ING3: variants seen among roughly 807,000 people sequenced by gnomAD.
ING3 encodes the protein inhibitor of growth protein 3.
A neutral mutation model predicts 64.8 loss-of-function variants in ING3; 6 were observed. That is an observed-to-expected ratio of 0.09 (90% CI 0.05 to 0.18). The LOEUF is 0.18. ING3 is among the 10% of genes least tolerant of loss of function. The probability of loss-of-function intolerance (pLI) is 1.00; values close to 1 mark genes in which losing one functional copy is unlikely to be tolerated. For synonymous variants in ING3, 170 were observed against 173.7 expected, an observed-to-expected ratio of 0.98 and a Z score of 0.17; for missense variants, 310 against 489.7, an observed-to-expected ratio of 0.63 and a Z score of 3.46.
rs1296978155 is a variant in ING3, at chr7:120,964,754, T to C, written c.280T>C (p.Leu94=). 6.2e-7 allele frequency: 1 copy of C among 1,613,614 alleles called. No homozygotes were observed. Among genetic ancestry groups the C allele is most frequent in the Non-Finnish European group, 8.5e-7 (1 of 1,179,624 alleles). Residue 94 remains leucine (L), a synonymous_variant, in exon 5 of 12, where the codon TTG becomes CTG. Transcript: ENST00000315870. ...TTCTTTGAAACAGGTAGATCGACAC[T>C]TGAGAAAGCTGGATCAGGAACTGGC... ...NQIYDLVDRH[L]RKLDQELAKF... is the part of the protein sequence containing the mutation.
At chr7:120,965,308 AG>A in intron 5 of ING3, among the ~76,000 whole-genome samples, 1 of 152,294 alleles carries the variant, frequency 6.6e-6, no homozygotes, top group East Asian at 1.9e-4. Context: ...TTCTTAAAGA[AG>A]TGTTTTCTTC....
At chr7:120,955,670 C>T (rs1795835552) in intron 4 of ING3, 46 bp downstream of exon 4, 1 of 1,213,920 alleles carries the variant, frequency 8.2e-7, no homozygotes. Flanking sequence ...ACTTGAATAA[C>T]AGATTATATC....
chr7:120,961,202 A>G (rs1161582234), intron 4 of ING3, among the ~76,000 whole-genome samples: 1 of 152,226 alleles, frequency 6.6e-6, no homozygotes, highest in Admixed American at 6.5e-5. Context: ...TTGTTTCAGC[A>G]TAACAATAGG....
intron 4 of ING3, among the ~76,000 whole-genome samples, chr7:120,958,050 C>G (rs1184681159): frequency 6.6e-6 from 1 of 152,166 alleles, no homozygotes; most frequent in Non-Finnish European, 1.5e-5. Flanking sequence ...TTTCTATTTT[C>G]CTGAAGCCAC....
intron 4 of ING3, among the ~76,000 whole-genome samples, chr7:120,960,590 C>A (rs1721344160): frequency 6.6e-6 from 1 of 152,002 alleles, no homozygotes; most frequent in Admixed American, 6.5e-5. Context: ...TACTTTTAAA[C>A]CAGTAGTAAA....
Position 120,951,225 on chromosome 7 carries a change from G to T in ING3, c.90G>T (p.Leu30=). Residue 30 remains leucine, a synonymous_variant, in exon 2 of 12, where the codon CTG becomes CTT. Transcript: ENST00000315870. ...TCACGGAAATGCGCGAGATGGACCTGCAGGTGCAGAGTAAGTCGGCGCGTC... is the reference window on the plus strand; with the variant it reads ...TCACGGAAATGCGCGAGATGGACCTTCAGGTGCAGAGTAAGTCGGCGCGTC... ...DRFTEMREMD[L]QVQNAMDQLE... is the part of the protein sequence containing the mutation. 1 of 1,614,178 alleles carries T rather than the reference G, an allele frequency of 6.2e-7. No individual in the cohort carries two copies. Among genetic ancestry groups the T allele is most frequent in the Non-Finnish European group, 8.5e-7 (1 of 1,180,028 alleles).
intron 2 of ING3, among the ~76,000 whole-genome samples, chr7:120,952,031 T>C (rs924142958): frequency 3.3e-5 from 5 of 152,180 alleles, no homozygotes; most frequent in Admixed American, 6.5e-5. Flanking sequence ...CTATACCCTT[T>C]GCTTATGAGT....
intron 1 of ING3, 50 bp from the exon 2 acceptor site, chr7:120,951,114 G>T (rs1459049127): frequency 1.9e-6 from 3 of 1,594,426 alleles, no homozygotes; most frequent in Non-Finnish European, 2.6e-6. Context: ...TGACGTAAGC[G>T]CGTATTTCGC....
chr7:120,969,253 C>T, intron 9 of ING3, 49 bp downstream of exon 9: 1 of 1,422,234 alleles, frequency 7.0e-7, no homozygotes, highest in Non-Finnish European at 9.7e-7. Context: ...AACACTTGGT[C>T]TACTTGACAC....
At chr7:120,973,000 A>G (rs1379057368) in intron 10 of ING3, among the ~76,000 whole-genome samples, 4 of 152,164 alleles carry the variant, frequency 2.6e-5, no homozygotes, top group African/African-American at 9.6e-5. Flanking sequence ...AAGGGCAGAT[A>G]ATTCCTGTGC....
chr7:120,970,593 A>C, intron 9 of ING3, 95 bp from the exon 10 acceptor site: 2 of 1,246,968 alleles, frequency 1.6e-6, no homozygotes, highest in African/African-American at 1.5e-5. Flanking sequence ...TAATTTATAC[A>C]TTTGATGTCA....
chr7:120,973,318 C>A, intron 11 of ING3, 75 bp downstream of exon 11: 2 of 1,000,026 alleles, frequency 2.0e-6, no homozygotes, highest in Non-Finnish European at 3.1e-6. Context: ...GTCTTATTTG[C>A]TGTATGGTTT....
intron 4 of ING3, chr7:120,956,375 T>C (rs916958516): frequency 1.6e-5 from 21 of 1,336,798 alleles, no homozygotes; most frequent in African/African-American, 1.2e-4. Flanking sequence ...TTCATACTTA[T>C]GTTGTCTTTC....
intron 2 of ING3, among the ~76,000 whole-genome samples, chr7:120,952,471 C>T (rs1432552461): frequency 6.6e-6 from 1 of 152,130 alleles, no homozygotes; most frequent in Non-Finnish European, 1.5e-5. Flanking sequence ...TTTAAATTCT[C>T]TTGTAATTTG....
rs1411858718 is a variant in ING3 at position 120,950,979 on chromosome 7, C to T, written c.28+55C>T. 24 of 1,558,044 alleles carry T rather than the reference C, an allele frequency of 1.5e-5. No homozygotes were observed. In the Middle Eastern group the frequency reaches 5.4e-4, roughly 35 times the overall value. ...AGTGGGACGTGCGGGCGGGCAAGAG[C>T]GCGAGTGGACGGGCAGCGAGATGGC... On this transcript the variant is annotated intron_variant, in intron 1 of 11. Coordinates refer to ENST00000315870, the MANE Select transcript of ING3 (RefSeq NM_019071.3).
chr7:120,954,727 A>G (rs1795820237), intron 3 of ING3, among the ~76,000 whole-genome samples: 1 of 152,150 alleles, frequency 6.6e-6, no homozygotes, highest in South Asian at 2.1e-4. Flanking sequence ...AATTCATAGT[A>G]TCATCTTCTT....
intron 8 of ING3, 28 bp downstream of exon 8, chr7:120,968,119 A>G (rs942919960): frequency 2.5e-6 from 4 of 1,593,894 alleles, no homozygotes; most frequent in Non-Finnish European, 3.4e-6. Context: ...TAGAGACAAA[A>G]TGTTACATTT....
Position 120,967,556 on chromosome 7 carries a change from A to G in ING3, c.464A>G (p.His155Arg), listed in dbSNP as rs759788131. The G allele has an allele frequency of 4.4e-6, 7 of 1,578,658 alleles. No individual in the cohort carries two copies. The South Asian group carries it at 5.7e-5, about 13-fold the overall frequency. The change falls in exon 7 of 12, where the codon CAT becomes CGT. Residue 155 changes from histidine (H) to arginine (R), a missense_variant. His to Arg is a conservative substitution (Grantham distance 29, BLOSUM62 0). Coordinates refer to ENST00000315870, the MANE Select transcript of ING3 (RefSeq NM_019071.3). ...AGGAAATATAATCCAACTTCTCACC[A>G]TACGACAACAGATCATATTCCTGAA... Reference protein sequence around the residue: ...EKRKYNPTSHHTTTDHIPEKK... With the variant: ...EKRKYNPTSHRTTTDHIPEKK...
intron 4 of ING3, among the ~76,000 whole-genome samples, chr7:120,958,772 CA>C (rs1795887627): frequency 6.6e-6 from 1 of 152,210 alleles, no homozygotes; most frequent in African/African-American, 2.4e-5. Flanking sequence ...AGGTCTTCCT[CA>C]TATTTAAAAA....
Sources: gnomAD v4.1 joint callset for allele counts (sites outside exome capture counted in the v4.1 genomes callset) on GRCh38, gnomAD v4.1.1 for gene constraint, MANE v1.5 for transcripts, NCBI Gene and HGNC (gene_info 2026-07-23, HGNC 2026-07-21) for gene names.